The following SAMMSON variants were observed in gnomAD, a reference collection of about 807,000 sequenced individuals.
SAMMSON encodes the protein survival associated mitochondrial melanoma specific oncogenic non-coding RNA, also known as long intergenic non-protein coding RNA 1212.
At chr3:70,380,164 C>T (rs978693722) in intron 9 of SAMMSON, among the ~76,000 whole-genome samples, 5 of 152,088 alleles carry the variant, frequency 3.3e-5, no homozygotes, top group South Asian at 2.1e-4. Context: ...CACTGCATAA[C>T]CTTAAGCTGG....
At chr3:70,300,455 G>T (rs147925770) in intron 7 of SAMMSON, among the ~76,000 whole-genome samples, 3 of 151,834 alleles carry the variant, frequency 2.0e-5, no homozygotes, top group Admixed American at 1.3e-4. Flanking sequence ...AGTTAGAAGG[G>T]CATAGAGACA....
At chr3:70,398,410 A>G (rs897494578) in intron 2 of SAMMSON, among the ~76,000 whole-genome samples, 2 of 152,188 alleles carry the variant, frequency 1.3e-5, no homozygotes, top group African/African-American at 4.8e-5. Context: ...ATTTAGAAAA[A>G]CTGGTTTCTT....
At chr3:70,190,569 A>G (rs1037325141) in intron 4 of SAMMSON, among the ~76,000 whole-genome samples, 2 of 152,210 alleles carry the variant, frequency 1.3e-5, no homozygotes, top group Non-Finnish European at 1.5e-5. Context: ...ATGTTTTCCA[A>G]AAATATTATT....
chr3:70,258,445 T>G (rs867773426), intron 6 of SAMMSON, among the ~76,000 whole-genome samples: 1 of 151,674 alleles, frequency 6.6e-6, no homozygotes, highest in African/African-American at 2.4e-5. Context: ...GAGAGAGAGA[T>G]TTACTTACAT....
In SAMMSON at chr3:70,003,641, T is replaced by G. The variant is rs562575079; in HGVS notation, n.22+3774T>G. On this transcript the variant is annotated intron_variant and non_coding_transcript_variant, in intron 1 of 9. Transcript: ENST00000642114. ...CATTGTGTATTTTAATTTTATATATTACAAAAGCCAGTAAGACATTAGTAT... is the reference window on the plus strand; with the variant it reads ...CATTGTGTATTTTAATTTTATATATGACAAAAGCCAGTAAGACATTAGTAT... 3.3e-5 allele frequency among the ~76,000 whole-genome samples: 5 copies of G among 152,104 alleles called. No individual in the cohort carries two copies. In the East Asian group the frequency reaches 9.6e-4, roughly 29 times the overall value.
At chr3:70,268,978 C>T (rs563290354) in intron 6 of SAMMSON, among the ~76,000 whole-genome samples, 2 of 152,072 alleles carry the variant, frequency 1.3e-5, no homozygotes, top group South Asian at 4.2e-4. Flanking sequence ...AAAATCTTAA[C>T]CTTCTTGTAT....
chr3:70,121,774 A>G (rs1380891027), intron 4 of SAMMSON, among the ~76,000 whole-genome samples: 1 of 152,182 alleles, frequency 6.6e-6, no homozygotes, highest in African/African-American at 2.4e-5. Flanking sequence ...GGACAGTGAC[A>G]GGGCAGGGAC....
intron 7 of SAMMSON, among the ~76,000 whole-genome samples, chr3:70,332,366 A>G (rs1250541151): frequency 6.6e-6 from 1 of 152,102 alleles, no homozygotes; most frequent in Non-Finnish European, 1.5e-5. Context: ...AGCCATTCCT[A>G]GGTTAAGTCC....
chr3:70,322,032 G>C (rs1278258246), intron 7 of SAMMSON, among the ~76,000 whole-genome samples: 1 of 152,034 alleles, frequency 6.6e-6, no homozygotes, highest in Non-Finnish European at 1.5e-5. Context: ...AAAAACCTAG[G>C]AGTTTTGGAA....
At chr3:70,422,183 A>G (rs1701318208) in intron 2 of SAMMSON, among the ~76,000 whole-genome samples, 1 of 152,082 alleles carries the variant, frequency 6.6e-6, no homozygotes, top group African/African-American at 2.4e-5. Context: ...ATGAATATTA[A>G]AAGAGAGGAC....
chr3:70,021,155 G>T (rs370058092), intron 3 of SAMMSON, among the ~76,000 whole-genome samples: 15 of 152,130 alleles, frequency 9.9e-5, no homozygotes, highest in African/African-American at 3.1e-4. Flanking sequence ...ATTCAGGGTG[G>T]GGAGGTGGGA....
intron 4 of SAMMSON, among the ~76,000 whole-genome samples, chr3:70,178,184 T>C (rs1357936100): frequency 6.6e-6 from 1 of 152,122 alleles, no homozygotes; most frequent in Non-Finnish European, 1.5e-5. Flanking sequence ...TCCAGGCTCT[T>C]CTCTAATGCC....
chr3:70,022,960 T>C (rs947535724), intron 3 of SAMMSON, among the ~76,000 whole-genome samples: 2 of 152,214 alleles, frequency 1.3e-5, no homozygotes, highest in Non-Finnish European at 1.5e-5. Context: ...TTTCATGTAA[T>C]TGCCTTGAAT....
At chr3:70,041,737 T>C (rs756483398) in intron 3 of SAMMSON, among the ~76,000 whole-genome samples, 1 of 152,086 alleles carries the variant, frequency 6.6e-6, no homozygotes, top group Non-Finnish European at 1.5e-5. Flanking sequence ...TTATTAGTAA[T>C]CTAGAGATGA....
chr3:70,214,866 A>G (rs1701390612), intron 4 of SAMMSON, among the ~76,000 whole-genome samples: 1 of 152,062 alleles, frequency 6.6e-6, no homozygotes. Flanking sequence ...CTCAAGAAAT[A>G]AAGATTATGT....
chr3:70,056,266 C>G (rs2067167057), intron 3 of SAMMSON, among the ~76,000 whole-genome samples: 1 of 152,010 alleles, frequency 6.6e-6, no homozygotes, highest in African/African-American at 2.4e-5. Context: ...CAAAGATTTA[C>G]TGGGCACATA....
chr3:70,217,137 T>A (rs1319974948), intron 4 of SAMMSON, among the ~76,000 whole-genome samples: 1 of 152,106 alleles, frequency 6.6e-6, no homozygotes, highest in Non-Finnish European at 1.5e-5. Context: ...TAATGAAAGT[T>A]TGTCTGTGTC....
downstream of SAMMSON, among the ~76,000 whole-genome samples, chr3:70,394,717 GA>G (rs1276087285): frequency 6.6e-6 from 1 of 152,074 alleles, no homozygotes; most frequent in Non-Finnish European, 1.5e-5. Context: ...AATAATGCAA[GA>G]AAAAACTATA....
At chr3:70,403,522 A>C (rs1413077928) in intron 2 of SAMMSON, among the ~76,000 whole-genome samples, 1 of 152,120 alleles carries the variant, frequency 6.6e-6, no homozygotes, top group East Asian at 1.9e-4. Flanking sequence ...GCAAACTATG[A>C]CTCGCAGTCT....
Sources: gnomAD v4.1 joint callset for allele counts (sites outside exome capture counted in the v4.1 genomes callset) on GRCh38, gnomAD v4.1.1 for gene constraint, MANE v1.5 for transcripts, NCBI Gene and HGNC (gene_info 2026-07-23, HGNC 2026-07-21) for gene names.